DDX27: variants seen among roughly 807,000 people sequenced by gnomAD.
DDX27 encodes the protein DEAD-box helicase 27.
In DDX27, 42 loss-of-function variants were observed where a neutral mutation model predicts 99.3. The ratio of observed to expected loss-of-function variants is 0.42; its 90% confidence interval spans 0.33 to 0.55. DDX27 has a LOEUF of 0.55. Ranked by LOEUF, DDX27 falls within the 20% of genes least tolerant of loss-of-function variation. DDX27 has a pLI of 0.07. For synonymous variants in DDX27, 329 were observed against 353.8 expected, an observed-to-expected ratio of 0.93 and a Z score of 0.79; for missense variants, 798 against 976.8, an observed-to-expected ratio of 0.82 and a Z score of 2.44.
At position 49,222,971 on chromosome 20, in the gene DDX27, A is replaced by G. The variant is rs775149454; in HGVS notation, c.255A>G (p.Thr85=). Residue 85 remains threonine (T), a synonymous_variant, in exon 3 of 21, where the codon ACA becomes ACG. Transcript: ENST00000618172. ...SQLKKKRAAT[T]LDEKIEKVRK... is the part of the protein sequence containing the mutation. Reference sequence around the variant, plus strand: ...TTTATCTGCAGAGGGCAGCCACTACATTAGATGAGAAGATTGAGAAAGTTC... The same window carrying G: ...TTTATCTGCAGAGGGCAGCCACTACGTTAGATGAGAAGATTGAGAAAGTTC... The G allele has an allele frequency of 1.9e-6, 3 of 1,613,028 alleles. No individual in the cohort carries two copies. The highest frequency in any genetic ancestry group is 4.5e-5 in the East Asian group (2 of 44,870).
intron 7 of DDX27, among the ~76,000 whole-genome samples, chr20:49,226,857 CTTTTTTTT>C (rs36048579): frequency 9.5e-5 from 6 of 63,466 alleles, no homozygotes; most frequent in Non-Finnish European, 1.1e-4. Context: ...GAGTAAAGGA[CTTTTTTTT>C]TTTTTTTTTT....
chr20:49,233,691 C>G lies in DDX27; in HGVS notation c.1255C>G (p.Arg419Gly). Reference protein sequence around the residue: ...IRIRPNREGDREAIVAALLTR... With the variant: ...IRIRPNREGDGEAIVAALLTR... ...GATCCGGCCTAATCGTGAAGGAGAC[C>G]GGGAAGCCATCGTGGCAGGTGGCAG... is the stretch of plus-strand genomic sequence containing the variant. The change falls in exon 11 of 21, where the codon CGG becomes GGG. Residue 419 changes from arginine (R) to glycine (G), a missense_variant. By Grantham distance (125) the Arg-to-Gly change is moderately radical (BLOSUM62 -2). This residue lies in a region of DDX27 where 553 missense variants were observed against 727.9 expected (regional missense o/e 0.76). Transcript: ENST00000618172. 6.2e-7 allele frequency: 1 copy of G among 1,613,516 alleles called. No homozygotes were observed. The highest frequency in any genetic ancestry group is 8.5e-7 in the Non-Finnish European group (1 of 1,179,776).
intron 16 of DDX27, among the ~76,000 whole-genome samples, chr20:49,241,224 G>A (rs969522738): frequency 2.6e-5 from 4 of 152,170 alleles, no homozygotes; most frequent in African/African-American, 9.7e-5. Context: ...CCCTCCTAGA[G>A]GGTATACCAG....
chr20:49,221,394 T>C, intron 1 of DDX27, 58 bp from the exon 2 acceptor site: 2 of 1,606,670 alleles, frequency 1.2e-6, no homozygotes, highest in South Asian at 2.2e-5. Context: ...GGCCCCTTCT[T>C]GCTTTCTATC....
In DDX27 at chr20:49,233,607, C is replaced by CGGAT; in HGVS notation, c.1172_1175dup (p.Ile392MetfsTer24). The CGGAT allele has an allele frequency of 1.9e-6, 3 of 1,614,012 alleles. No individual in the cohort carries two copies. The highest frequency in any genetic ancestry group is 2.5e-6 in the Non-Finnish European group (3 of 1,179,928). ...TTCTGTCTCCTTGAAGAATCCTGTC[C>CGGAT]GGATATTTGTGAACAGCAACACAGA... On this transcript the variant is annotated frameshift_variant, in exon 11 of 21. Coordinates refer to ENST00000618172, the MANE Select transcript of DDX27 (RefSeq NM_017895.8). LOFTEE classifies it high-confidence loss of function.
chr20:49,233,402 C>T lies in DDX27; in HGVS notation c.1128C>T (p.Asp376=), dbSNP rs1240598485. 1.2e-5 allele frequency: 19 copies of T among 1,613,574 alleles called. No homozygotes were observed. Among genetic ancestry groups the T allele is most frequent in the African/African-American group, 9.3e-5 (7 of 74,888 alleles). The change falls in exon 10 of 21, where the codon GAC becomes GAT. Residue 376 remains aspartate, a synonymous_variant. Coordinates refer to ENST00000618172, the MANE Select transcript of DDX27 (RefSeq NM_017895.8). ...QTMLFSATMT[D]EVKDLASVSL... ...TGCTCTTCTCGGCCACCATGACAGA[C>T]GAGGTGGGCCGAGGGACTTCTCTGT...
rs1377240943 is a variant in DDX27, at chr20:49,223,376, G to A, written c.409G>A (p.Asp137Asn). 6.2e-7 allele frequency: 1 copy of A among 1,614,040 alleles called. No individual in the cohort carries two copies. Among genetic ancestry groups the A allele is most frequent in the Middle Eastern group, 1.6e-4 (1 of 6,062 alleles). Residue 137 changes from aspartate to asparagine, a missense_variant, in exon 4 of 21, where the codon GAT (aspartate) becomes AAT (asparagine). Coordinates refer to ENST00000618172, the MANE Select transcript of DDX27 (RefSeq NM_017895.8). ...LQENDEEGSE[D>N]EASETDYSSA... ...AGAGAATGATGAGGAAGGCTCAGAA[G>A]ATGAAGCCTCGGAGACTGACTACTC...
chr20:49,233,390 C>T lies in DDX27; in HGVS notation c.1116C>T (p.Ala372=), dbSNP rs984633824. The T allele has an allele frequency of 6.8e-6, 11 of 1,614,032 alleles. No homozygotes were observed. The Admixed American group carries it at 1.8e-4, about 27-fold the overall frequency. The change falls in exon 10 of 21, where the codon GCC becomes GCT. Residue 372 remains alanine (A), a synonymous_variant. Transcript: ENST00000618172. ...SHHRQTMLFS[A]TMTDEVKDLA... is the part of the protein sequence containing the mutation. ...ACCGCCAGACCATGCTCTTCTCGGC[C>T]ACCATGACAGACGAGGTGGGCCGAG...
Position 49,223,318 on chromosome 20 carries a change from A to G in DDX27, c.351A>G (p.Glu117=). 1 of 1,614,008 alleles carries G rather than the reference A, an allele frequency of 6.2e-7. No individual in the cohort carries two copies. Among genetic ancestry groups the G allele is most frequent in the Non-Finnish European group, 8.5e-7 (1 of 1,180,010 alleles). The change falls in exon 4 of 21, where the codon GAA becomes GAG. Residue 117 remains glutamate, a synonymous_variant. Coordinates refer to ENST00000618172, the MANE Select transcript of DDX27 (RefSeq NM_017895.8). Reference sequence around the variant, plus strand: ...TGGAAAAGGAGAAAGAAGCAAAGGAAGGCTCTGAACCAAAGGAGCAGGAAG... The same window carrying G: ...TGGAAAAGGAGAAAGAAGCAAAGGAGGGCTCTGAACCAAAGGAGCAGGAAG... ...GKLEKEKEAK[E]GSEPKEQEDL...
rs1022158295 is a variant in DDX27 at position 49,236,177 on chromosome 20, C to G, written c.1455C>G (p.Ile485Met). 2 of 1,612,390 alleles carry G rather than the reference C, an allele frequency of 1.2e-6. No homozygotes were observed. The highest frequency in any genetic ancestry group is 2.7e-5 in the African/African-American group (2 of 74,854). Residue 485 changes from isoleucine to methionine, a missense_variant, in exon 13 of 21, where the codon ATC (isoleucine) becomes ATG (methionine). Ile to Met is a conservative substitution (Grantham distance 10). Coordinates refer to ENST00000618172, the MANE Select transcript of DDX27 (RefSeq NM_017895.8). The surrounding 1 kb of genome is among the most constrained non-coding windows in gnomAD (Gnocchi z 4.1). ...GTTTTAAGGATGAACAGATTGACAT[C>G]CTCGTGGCCACTGATGTGGCAGCCC... is the stretch of plus-strand genomic sequence containing the variant. ...LRRFKDEQID[I>M]LVATDVAARG...
At chr20:49,224,729 G>C (rs1279714613) in intron 4 of DDX27, 1 of 589,140 alleles carries the variant, frequency 1.7e-6, no homozygotes, top group Non-Finnish European at 3.0e-6. Context: ...TCGAGAGCCT[G>C]GTCTCTGGAC....
At chr20:49,222,764 C>A (rs372619577) in intron 2 of DDX27, among the ~76,000 whole-genome samples, 193 bp from the exon 3 acceptor site, 43 of 152,046 alleles carry the variant, frequency 2.8e-4, no homozygotes, top group Non-Finnish European at 6.2e-4. Flanking sequence ...CTACCCACCT[C>A]GGCCTCCCAA....
chr20:49,224,857 G>A, intron 4 of DDX27, 88 bp from the exon 5 acceptor site: 1 of 1,433,194 alleles, frequency 7.0e-7, no homozygotes, highest in Non-Finnish European at 9.7e-7. Flanking sequence ...AGGCTGAAGT[G>A]TGGCATTGGC....
chr20:49,229,584 C>T (rs1980026838), intron 8 of DDX27, among the ~76,000 whole-genome samples: 1 of 151,788 alleles, frequency 6.6e-6, no homozygotes, highest in South Asian at 2.1e-4. Context: ...CTTTGTCTCC[C>T]TGTAACAGAC....
chr20:49,239,153 G>C (rs747357132), intron 15 of DDX27, 83 bp from the exon 16 acceptor site: 3 of 1,531,462 alleles, frequency 2.0e-6, no homozygotes, highest in South Asian at 2.2e-5. Context: ...TCTCCCATCA[G>C]AGCCCCAGGC....
In DDX27 at chr20:49,226,422, T is replaced by C; in HGVS notation, c.601-8T>C. On this transcript the variant is annotated splice_polypyrimidine_tract_variant and splice_region_variant and intron_variant, in intron 6 of 20. Transcript: ENST00000618172. The stretch of plus-strand genomic sequence containing the variant: ...CAACCCTGTCTGACCCAGTTCTTTT[T>C]TCCTCAGGCCATTACAGCCATGGGC... 1 of 1,612,110 alleles carries C rather than the reference T, an allele frequency of 6.2e-7. No individual in the cohort carries two copies. The highest frequency in any genetic ancestry group is 8.5e-7 in the Non-Finnish European group (1 of 1,178,844).
intron 12 of DDX27, 147 bp downstream of exon 12, chr20:49,235,235 T>C (rs1183131685): frequency 2.4e-6 from 2 of 839,778 alleles, no homozygotes; most frequent in East Asian, 5.8e-5. Context: ...ACCTAACCAC[T>C]GTGAGGTCAT....
chr20:49,239,933 A>G (rs926476769), intron 16 of DDX27, among the ~76,000 whole-genome samples: 2 of 152,226 alleles, frequency 1.3e-5, no homozygotes, highest in Non-Finnish European at 2.9e-5. Context: ...AACCTTGAAA[A>G]TCTTAAGCTG....
rs537376146 is a variant in DDX27, at chr20:49,234,955, A to G, written c.1294A>G (p.Thr432Ala). ...IVAALLTRTF[T>A]DHVMLFTQTK... is the part of the protein sequence containing the mutation. Reference sequence around the variant, plus strand: ...GCCAGCTTTGTTGACGAGGACCTTCACTGACCATGTGATGCTGTTCACGCA... The same window carrying G: ...GCCAGCTTTGTTGACGAGGACCTTCGCTGACCATGTGATGCTGTTCACGCA... Residue 432 changes from threonine (T) to alanine (A), a missense_variant, in exon 12 of 21, where the codon ACT (threonine) becomes GCT (alanine). This residue lies in a region of DDX27 where 553 missense variants were observed against 727.9 expected (regional missense o/e 0.76). Transcript: ENST00000618172. 2.5e-6 allele frequency: 4 copies of G among 1,608,624 alleles called. No homozygotes were observed. The highest frequency in any genetic ancestry group is 2.7e-5 in the African/African-American group (2 of 74,858).
Sources: gnomAD v4.1 joint callset for allele counts (sites outside exome capture counted in the v4.1 genomes callset) on GRCh38, gnomAD v4.1.1 for gene constraint, gnomAD v4.1.1 regional missense constraint, Gnocchi (gnomAD v3.1) non-coding constraint, MANE v1.5 for transcripts, NCBI Gene and HGNC (gene_info 2026-07-23, HGNC 2026-07-21) for gene names.